EHMT1: variants seen among roughly 807,000 people sequenced by gnomAD.
EHMT1 encodes the protein euchromatic histone lysine methyltransferase 1, also known as histone-lysine N-methyltransferase EHMT1.
In EHMT1, 15 loss-of-function variants were observed where a neutral mutation model predicts 147.2. The observed-to-expected ratio is 0.10, with a 90% CI of 0.07 to 0.16. EHMT1 has a LOEUF of 0.16. Ranked by LOEUF, EHMT1 falls within the 10% of genes least tolerant of loss-of-function variation. The pLI, the probability that EHMT1 is intolerant of heterozygous loss-of-function variation, is 1.00. For synonymous variants in EHMT1, 795 were observed against 709.6 expected (o/e 1.12, Z -1.91); for missense variants, 1,587 against 1,772.4 (o/e 0.90, Z 1.88).
chr9:137,810,036 G>T (rs1954300929), intron 18 of EHMT1, among the ~76,000 whole-genome samples: 1 of 122,300 alleles, frequency 8.2e-6, no homozygotes, highest in Non-Finnish European at 1.5e-5. Context: ...TCCGGAGGCG[G>T]TTCCGATGCC....
At chr9:137,663,600 A>G (rs755678456) in intron 1 of EHMT1, among the ~76,000 whole-genome samples, 2 of 152,202 alleles carry the variant, frequency 1.3e-5, no homozygotes, top group Non-Finnish European at 2.9e-5. Flanking sequence ...CACTATTAAT[A>G]ATTTCTTATA....
chr9:137,694,519 C>T (rs1943236811), intron 1 of EHMT1, among the ~76,000 whole-genome samples: 1 of 152,064 alleles, frequency 6.6e-6, no homozygotes, highest in South Asian at 2.1e-4. Context: ...CGTTGGTCGG[C>T]AGTCTTGTTG....
rs1951668635 is a variant in EHMT1 at position 137,782,814 on chromosome 9, T to C, written c.2382+417T>C. On this transcript the variant is annotated intron_variant, in intron 15 of 26. Coordinates refer to ENST00000460843, the MANE Select transcript of EHMT1 (RefSeq NM_024757.5). This position sits in a 1 kb window ranked among gnomAD's most constrained non-coding sequence, Gnocchi z 5.7. ...ACCACGTCGTCTACAGGGTATGTTG[T>C]GTCTGTCGTTAATCACTGGCTTGTG... Among the ~76,000 whole-genome samples the C allele has an allele frequency of 6.6e-6, 1 of 152,180 alleles. No homozygotes were observed. Among genetic ancestry groups the C allele is most frequent in the Non-Finnish European group, 1.5e-5 (1 of 68,048 alleles).
At chr9:137,718,753 TC>T (rs1448000282) in intron 3 of EHMT1, among the ~76,000 whole-genome samples, 3 of 150,210 alleles carry the variant, frequency 2.0e-5, no homozygotes, top group African/African-American at 7.5e-5. Flanking sequence ...TTTTTCTTTT[TC>T]TTTTTCTTTT....
In EHMT1 at chr9:137,828,069, C is replaced by T. The variant is rs1268441178; in HGVS notation, c.3541-6280C>T. On this transcript the variant is annotated intron_variant, in intron 25 of 26. Transcript: ENST00000460843. The surrounding 1 kb of genome is among the most constrained non-coding windows in gnomAD (Gnocchi z 5.3). ...GGCCCGGCTGCCATCGTGGGAGGGA[C>T]GTGGACGAACGGCACGCAGTGGGAG... Among the ~76,000 whole-genome samples the T allele has an allele frequency of 2.0e-5, 3 of 152,120 alleles. No individual in the cohort carries two copies. The highest frequency in any genetic ancestry group is 4.4e-5 in the Non-Finnish European group (3 of 68,024).
rs369987234 is a variant in EHMT1 at position 137,834,731 on chromosome 9, G to A, written c.3717-42G>A. 3.1e-6 allele frequency: 5 copies of A among 1,612,844 alleles called. No homozygotes were observed. In the African/African-American group the frequency reaches 5.3e-5, roughly 17 times the overall value. Reference sequence around the variant, plus strand: ...ATTTATCTGGCTTGTGGGAGGTGCCGGTGGGATTCGACTTGGAGCCTTGGT... The same window carrying A: ...ATTTATCTGGCTTGTGGGAGGTGCCAGTGGGATTCGACTTGGAGCCTTGGT... On this transcript the variant is annotated intron_variant, in intron 26 of 26. Transcript: ENST00000460843.
chr9:137,687,088 T>C lies in EHMT1; in HGVS notation c.22-23879T>C, dbSNP rs1024414779. 2.0e-5 allele frequency among the ~76,000 whole-genome samples: 3 copies of C among 152,206 alleles called. No individual in the cohort carries two copies. The South Asian group carries it at 6.2e-4, about 31-fold the overall frequency. On this transcript the variant is annotated intron_variant, in intron 1 of 26. Coordinates refer to ENST00000460843, the MANE Select transcript of EHMT1 (RefSeq NM_024757.5). ...CCCCAGCAACATAGTTGATAGGTCT[T>C]CCTTATCAAATTCATGGTCTGTTCT... is the stretch of plus-strand genomic sequence containing the variant.
rs903357861 is a variant in EHMT1 at position 137,817,198 on chromosome 9, G to C, written c.3375-241G>C. 2.2e-5 allele frequency: 13 copies of C among 588,410 alleles called. No individual in the cohort carries two copies. The East Asian group carries it at 3.3e-4, about 15-fold the overall frequency. 36.4% of individuals were successfully genotyped at this position (588,410 alleles called of 1,614,324 possible). ...GTTACAGATGGGGACACCGAGCCACGGCCAGGACCAGTGACTTGCCGAGGT... is the reference window on the plus strand; with the variant it reads ...GTTACAGATGGGGACACCGAGCCACCGCCAGGACCAGTGACTTGCCGAGGT... On this transcript the variant is annotated intron_variant, in intron 23 of 26. Transcript: ENST00000460843.
chr9:137,774,013 C>A (rs1161485496), intron 10 of EHMT1, among the ~76,000 whole-genome samples: 2 of 152,174 alleles, frequency 1.3e-5, no homozygotes, highest in African/African-American at 4.8e-5. Flanking sequence ...AAGTCCTGGT[C>A]CTCTCAGAAT....
intron 6 of EHMT1, among the ~76,000 whole-genome samples, chr9:137,748,688 A>G (rs1300776707): frequency 6.6e-6 from 1 of 152,146 alleles, no homozygotes; most frequent in East Asian, 1.9e-4. Flanking sequence ...TTGCATTTTC[A>G]TGATTTATGA....
At chr9:137,697,510 C>T (rs78420252) in intron 1 of EHMT1, among the ~76,000 whole-genome samples, 10 of 152,076 alleles carry the variant, frequency 6.6e-5, no homozygotes, top group African/African-American at 1.9e-4. Flanking sequence ...TTTTTTGAAG[C>T]GGTTTTAAAT....
chr9:137,668,032 G>C (rs1011313744), intron 1 of EHMT1, among the ~76,000 whole-genome samples: 2 of 152,166 alleles, frequency 1.3e-5, no homozygotes, highest in Non-Finnish European at 2.9e-5. Context: ...GCAAAGGAGA[G>C]CTTCCACCTC....
chr9:137,621,471 C>T (rs1004053576), intron 1 of EHMT1, among the ~76,000 whole-genome samples: 1 of 152,030 alleles, frequency 6.6e-6, no homozygotes, highest in African/African-American at 2.4e-5. Flanking sequence ...CCGAGGTGGG[C>T]GGATCACTTG....
chr9:137,720,194 C>T (rs1429686046), intron 3 of EHMT1, among the ~76,000 whole-genome samples: 1 of 151,728 alleles, frequency 6.6e-6, no homozygotes, highest in South Asian at 2.1e-4. Context: ...AGGGCACAGT[C>T]GAGATATGGA....
chr9:137,824,515 A>G (rs12337431), intron 25 of EHMT1, among the ~76,000 whole-genome samples: 22,615 of 151,948 alleles, frequency 0.15, 5,510 homozygotes, highest in African/African-American at 0.51. Context: ...TCCATAGACA[A>G]TTGAGAGCCC....
chr9:137,796,786 A>G (rs1256776845), intron 16 of EHMT1, among the ~76,000 whole-genome samples: 1 of 71,434 alleles, frequency 1.4e-5, no homozygotes, highest in Non-Finnish European at 3.0e-5. Context: ...AAAGAAATAC[A>G]TGCATATGAC....
chr9:137,768,514 C>T (rs113784581), intron 10 of EHMT1, among the ~76,000 whole-genome samples: 45 of 138,398 alleles, frequency 3.3e-4, no homozygotes, highest in East Asian at 8.4e-4. Context: ...CCACCACGCC[C>T]GGCTAATTTT....
chr9:137,722,288 C>T (rs1022473410), intron 3 of EHMT1, among the ~76,000 whole-genome samples: 1 of 152,168 alleles, frequency 6.6e-6, no homozygotes, highest in African/African-American at 2.4e-5. Context: ...AATTCTCTGA[C>T]CATGAGGCTT....
At chr9:137,716,569 G>T (rs569055490) in intron 2 of EHMT1, 57 bp from the exon 3 acceptor site, 3 of 1,505,124 alleles carry the variant, frequency 2.0e-6, no homozygotes, top group East Asian at 4.6e-5. Context: ...TGGTGGTGGT[G>T]GTGGTGCCAT....
Sources: allele counts gnomAD v4.1 joint callset (sites outside exome capture counted in the v4.1 genomes callset), GRCh38; gene constraint gnomAD v4.1.1; non-coding constraint Gnocchi (gnomAD v3.1); transcripts MANE v1.5; gene names NCBI Gene and HGNC (gene_info 2026-07-23, HGNC 2026-07-21).